LARP4B: variants seen among roughly 807,000 people sequenced by gnomAD.
LARP4B encodes the protein la-related protein 4B.
In LARP4B, 12 loss-of-function variants were observed where a neutral mutation model predicts 89.8. The ratio of observed to expected loss-of-function variants is 0.13; its 90% CI spans 0.09 to 0.22. The LOEUF is 0.22. Among genes scored for constraint, LARP4B ranks in the 10% least tolerant of loss-of-function variants. The pLI, the probability that LARP4B is intolerant of heterozygous loss-of-function variation, is 1.00. For missense variants in LARP4B, 757 were observed against 947.7 expected (o/e 0.80, Z 2.64); for synonymous variants, 367 against 363.3 (o/e 1.01, Z -0.12).
chr10:827,588 A>G (rs985684647), intron 11 of LARP4B, among the ~76,000 whole-genome samples: 2 of 152,234 alleles, frequency 1.3e-5, no homozygotes, highest in Non-Finnish European at 1.5e-5. Flanking sequence ...CCAGTATCAC[A>G]GACTCAGAGC....
the LARP4B span, chr10:988,284 A>AT: frequency 1.7e-6 from 1 of 580,318 alleles, no homozygotes; most frequent in Non-Finnish European, 3.1e-6. Context: ...TGAGGCCCTC[A>AT]CACGCCCTCC....
chr10:877,763 A>G (rs1264546722), intron 3 of LARP4B, among the ~76,000 whole-genome samples: 1 of 152,206 alleles, frequency 6.6e-6, no homozygotes, highest in African/African-American at 2.4e-5. Flanking sequence ...ATATTCTTTT[A>G]CACTGGAGAC....
intron 1 of LARP4B, among the ~76,000 whole-genome samples, chr10:887,843 G>A (rs1196048848): frequency 6.6e-6 from 1 of 151,918 alleles, no homozygotes; most frequent in Non-Finnish European, 1.5e-5. Context: ...GGCCAACACT[G>A]TGAAACCCCA....
intron 1 of LARP4B, among the ~76,000 whole-genome samples, chr10:910,879 G>A (rs1836647831): frequency 6.6e-6 from 1 of 152,194 alleles, no homozygotes; most frequent in African/African-American, 2.4e-5. Flanking sequence ...TCCTCCAGAT[G>A]GGTGTGAGGG....
At chr10:807,938 C>G (rs1263963014), downstream of LARP4B, 3 of 152,410 alleles carry the variant, frequency 2.0e-5, no homozygotes, top group Admixed American at 6.5e-5. Context: ...GGCTTGTGCC[C>G]AAGCAGGCCC....
At chr10:952,236 A>G in the LARP4B span, among the ~76,000 whole-genome samples, 382 of 144,450 alleles carry the variant, frequency 2.6e-3, 8 homozygotes, top group African/African-American at 9.3e-3. Context: ...GCTACTTGGG[A>G]GGCTGAGGCA....
chr10:877,535 G>C (rs1264038405), intron 3 of LARP4B, among the ~76,000 whole-genome samples: 1 of 152,166 alleles, frequency 6.6e-6, no homozygotes, highest in African/African-American at 2.4e-5. Context: ...GATTGCCTGG[G>C]TTCAAATCCT....
At chr10:881,189 CAAG>C (rs1327228518) in intron 3 of LARP4B, among the ~76,000 whole-genome samples, 9 of 152,158 alleles carry the variant, frequency 5.9e-5, no homozygotes, top group Non-Finnish European at 1.3e-4. Context: ...TTTTCTTCCT[CAAG>C]AAGGAGAACC....
intron 1 of LARP4B, among the ~76,000 whole-genome samples, chr10:907,955 T>C (rs1241144176): frequency 3.9e-5 from 6 of 152,116 alleles, no homozygotes; most frequent in South Asian, 2.1e-4. Context: ...CCTGTAATCC[T>C]AGCACTTTGG....
At chr10:921,315 T>C (rs568747114) in intron 1 of LARP4B, among the ~76,000 whole-genome samples, 1 of 152,240 alleles carries the variant, frequency 6.6e-6, no homozygotes, top group East Asian at 1.9e-4. Flanking sequence ...TGGAAGTTAA[T>C]GATCCAGCAT....
At chr10:955,372 G>A in the LARP4B span, among the ~76,000 whole-genome samples, 1 of 152,248 alleles carries the variant, frequency 6.6e-6, no homozygotes, top group Non-Finnish European at 1.5e-5. The surrounding 1 kb of genome is among the most constrained non-coding windows in gnomAD (Gnocchi z 5.2). Context: ...TTAGGCAGGT[G>A]CCTGAGTACA....
At chr10:826,040 T>C (rs1311576164) in intron 11 of LARP4B, among the ~76,000 whole-genome samples, 170 bp from the exon 12 acceptor site, 2 of 152,236 alleles carry the variant, frequency 1.3e-5, no homozygotes, top group East Asian at 1.9e-4. Context: ...TGTTTAGAAG[T>C]AGGCTGGAGC....
At chr10:965,355 A>G in the LARP4B span, among the ~76,000 whole-genome samples, 1 of 152,152 alleles carries the variant, frequency 6.6e-6, no homozygotes, top group African/African-American at 2.4e-5. Context: ...TGAGGCCCCC[A>G]AGGCCTGGGC....
intron 1 of LARP4B, among the ~76,000 whole-genome samples, chr10:925,662 T>C (rs972729281): frequency 6.6e-6 from 1 of 152,062 alleles, no homozygotes; most frequent in African/African-American, 2.4e-5. Context: ...GCCTCCCAAG[T>C]AGCTGGGATT....
At chr10:935,115 C>G (rs563219803), upstream of LARP4B, among the ~76,000 whole-genome samples, 14 of 152,306 alleles carry the variant, frequency 9.2e-5, no homozygotes, top group East Asian at 2.7e-3. Context: ...TCCTTACCTT[C>G]CAATCACACT....
the LARP4B span, among the ~76,000 whole-genome samples, chr10:979,954 G>A: frequency 1.3e-5 from 2 of 152,322 alleles, no homozygotes; most frequent in South Asian, 2.1e-4. Flanking sequence ...CTGGGTGACA[G>A]AGCGAGACTC....
intron 1 of LARP4B, among the ~76,000 whole-genome samples, chr10:902,478 G>A (rs1588976114): frequency 1.3e-5 from 2 of 152,036 alleles, no homozygotes; most frequent in Non-Finnish European, 2.9e-5. Flanking sequence ...ACTACATTAG[G>A]AGTATCTTTT....
chr10:886,332 GA>G (rs1444245525), intron 1 of LARP4B, among the ~76,000 whole-genome samples: 1 of 152,226 alleles, frequency 6.6e-6, no homozygotes, highest in Non-Finnish European at 1.5e-5. Context: ...GGGCGTGGAA[GA>G]AACAGAACCT....
At chr10:921,637 A>C (rs1836983288) in intron 1 of LARP4B, among the ~76,000 whole-genome samples, 1 of 152,160 alleles carries the variant, frequency 6.6e-6, no homozygotes, top group Non-Finnish European at 1.5e-5. Context: ...TCGGAATCCT[A>C]AGGCACACTG....
Sources: allele counts gnomAD v4.1 joint callset (sites outside exome capture counted in the v4.1 genomes callset), GRCh38; gene constraint gnomAD v4.1.1; non-coding constraint Gnocchi (gnomAD v3.1); transcripts MANE v1.5; gene names NCBI Gene and HGNC (gene_info 2026-07-23, HGNC 2026-07-21).